VPS26C: variants seen among roughly 807,000 people sequenced by gnomAD.
The protein encoded by VPS26C is vacuolar protein sorting-associated protein 26C.
VPS26C carries 19 observed loss-of-function variants against 30.6 expected under a neutral mutation model. That is an observed-to-expected ratio of 0.62 (90% CI 0.43 to 0.91). VPS26C has a LOEUF of 0.91. Ranked by LOEUF, VPS26C falls within the 40% of genes least tolerant of loss-of-function variation. VPS26C has a pLI of 0.00. For synonymous variants in VPS26C, 132 were observed against 151.5 expected (o/e 0.87, Z 0.95); for missense variants, 318 against 385.1 (o/e 0.83, Z 1.46).
chr21:37,244,773 A>G (rs2086120235), intron 1 of VPS26C, among the ~76,000 whole-genome samples: 1 of 152,330 alleles, frequency 6.6e-6, no homozygotes, highest in African/African-American at 2.4e-5. Flanking sequence ...AAGAGCTGTT[A>G]AAAGAAGTGA....
At position 37,233,084 on chromosome 21, in the gene VPS26C, C is replaced by G. The variant is rs2085982534; in HGVS notation, c.432+278G>C. The stretch of plus-strand genomic sequence containing the variant: ...AGGGGCTGGGATGCAAAGGGCCAGT[C>G]TACCATCCAGAGAGCCAGGGGGAGG... On this transcript the variant is annotated intron_variant, in intron 4 of 7. Coordinates refer to ENST00000309117, the MANE Select transcript of VPS26C (RefSeq NM_006052.2). This position sits in a 1 kb window ranked among gnomAD's most constrained non-coding sequence, Gnocchi z 5.2. 6.6e-6 allele frequency among the ~76,000 whole-genome samples: 1 copy of G among 152,200 alleles called. No individual in the cohort carries two copies. Among genetic ancestry groups the G allele is most frequent in the African/African-American group, 2.4e-5 (1 of 41,436 alleles).
rs1220011251 is a variant in VPS26C, at chr21:37,224,601, A to G, written c.*943T>C. On this transcript the variant is annotated 3_prime_UTR_variant, in exon 8 of 8. Transcript: ENST00000309117. ...TGGCAGTTCTTGAGACTTCAGAAAC[A>G]CTTCGGCACCAGCCAAATCCCCCCA... The G allele has an allele frequency of 6.6e-6, 1 of 152,232 alleles. No homozygotes were observed. Among genetic ancestry groups the G allele is most frequent in the Non-Finnish European group, 1.5e-5 (1 of 68,042 alleles). The allele number at this position is 152,232 out of a possible 1,614,324, so 9.4% of individuals were successfully genotyped here.
intron 2 of VPS26C, 79 bp from the exon 3 acceptor site, chr21:37,238,688 C>T: frequency 6.5e-7 from 1 of 1,543,232 alleles, no homozygotes; most frequent in Admixed American, 1.8e-5. Flanking sequence ...TTCTGAAGGA[C>T]ACAGCACCCC....
intron 1 of VPS26C, among the ~76,000 whole-genome samples, chr21:37,250,921 T>A (rs1225765078): frequency 4.4e-4 from 45 of 101,238 alleles, no homozygotes; most frequent in South Asian, 9.8e-4. Flanking sequence ...AAAAAAGACA[T>A]CGATGAAAAA....
chr21:37,264,400 C>T (rs947641351), intron 1 of VPS26C, among the ~76,000 whole-genome samples: 1 of 152,170 alleles, frequency 6.6e-6, no homozygotes, highest in African/African-American at 2.4e-5. Flanking sequence ...GGAAGTGGTC[C>T]TGGCTGTGTA....
chr21:37,266,712 GAA>G (rs1445482829), intron 1 of VPS26C: 2 of 154,206 alleles, frequency 1.3e-5, no homozygotes, highest in Non-Finnish European at 2.9e-5. Context: ...AATAAAACCA[GAA>G]AAAGCAGTAA....
intron 1 of VPS26C, among the ~76,000 whole-genome samples, chr21:37,251,083 A>T (rs1473258976): frequency 6.6e-6 from 1 of 152,176 alleles, no homozygotes; most frequent in African/African-American, 2.4e-5. Context: ...AGATAAAAAA[A>T]TGTCATTACA....
rs1021525418 is a variant in VPS26C at position 37,254,219 on chromosome 21, T to C, written c.57+13019A>G. Among the ~76,000 whole-genome samples, 4 of 152,186 alleles carry C rather than the reference T, an allele frequency of 2.6e-5. No individual in the cohort carries two copies. In the South Asian group the frequency reaches 6.2e-4, roughly 24 times the overall value. On this transcript the variant is annotated intron_variant, in intron 1 of 7. Transcript: ENST00000309117. ...TGAAATCCCAGAGTGAAATCATGTA[T>C]GAATCACGATAGTGCAGCATTCAAA... is the stretch of plus-strand genomic sequence containing the variant.
At chr21:37,242,260 T>G (rs530145317) in intron 1 of VPS26C, among the ~76,000 whole-genome samples, 1 of 152,364 alleles carries the variant, frequency 6.6e-6, no homozygotes, top group Non-Finnish European at 1.5e-5. Flanking sequence ...TAACATTAAT[T>G]CTATTAATTT....
rs1433519577 is a variant in VPS26C at position 37,225,731 on chromosome 21, C to G, written c.812-105G>C. On this transcript the variant is annotated intron_variant, in intron 7 of 7. Transcript: ENST00000309117. The stretch of plus-strand genomic sequence containing the variant: ...GGAAGCTCTAACGGCGAAGGAGCAC[C>G]CGGTGCGGGTGGGTTTCATTGCTGT... The G allele has an allele frequency of 3.0e-5, 29 of 958,082 alleles. No individual in the cohort carries two copies. In the East Asian group the frequency reaches 7.5e-4, roughly 25 times the overall value. 59.3% of individuals were successfully genotyped at this position (958,082 alleles called of 1,614,324 possible).
chr21:37,231,123 A>G (rs1038960044), intron 5 of VPS26C, among the ~76,000 whole-genome samples: 2 of 152,230 alleles, frequency 1.3e-5, no homozygotes, highest in Non-Finnish European at 2.9e-5. Context: ...CAGCCTCTAC[A>G]ACACCACCAC....
chr21:37,259,288 C>CTT (rs75704567), intron 1 of VPS26C, among the ~76,000 whole-genome samples: 2 of 150,514 alleles, frequency 1.3e-5, no homozygotes, highest in African/African-American at 4.9e-5. Context: ...AGGGTTTCTC[C>CTT]TTTTTTTTTC....
At chr21:37,248,996 T>C (rs780835929) in intron 1 of VPS26C, among the ~76,000 whole-genome samples, 6 of 152,134 alleles carry the variant, frequency 3.9e-5, no homozygotes, top group Non-Finnish European at 7.4e-5. Flanking sequence ...AGAAAAATTA[T>C]ATATAGTCAT....
rs752826083 is a variant in VPS26C at position 37,225,609 on chromosome 21, C to T, written c.829G>A (p.Val277Met). The change falls in exon 8 of 8, where the codon GTG becomes ATG. Residue 277 changes from valine (V) to methionine (M), a missense_variant. Coordinates refer to ENST00000309117, the MANE Select transcript of VPS26C (RefSeq NM_006052.2). Reference protein sequence around the residue: ...NFKVEFEVNIVVLLHPDHLIT... With the variant: ...NFKVEFEVNIMVLLHPDHLIT... ...AGGTGGTCAGGGTGAAGCAGCACCA[C>T]GATGTTAACCTCAAATTCTGAGAAG... The T allele has an allele frequency of 1.7e-5, 27 of 1,613,840 alleles. No homozygotes were observed. The highest frequency in any genetic ancestry group is 2.2e-5 in the South Asian group (2 of 91,076).
At chr21:37,253,355 G>A (rs114256920) in intron 1 of VPS26C, among the ~76,000 whole-genome samples, 38 of 152,270 alleles carry the variant, frequency 2.5e-4, no homozygotes, top group African/African-American at 9.1e-4. Flanking sequence ...ATCACATTCT[G>A]GGGCAGAACC....
intron 1 of VPS26C, among the ~76,000 whole-genome samples, chr21:37,253,000 G>C (rs1333202732): frequency 6.6e-6 from 1 of 152,134 alleles, no homozygotes. Flanking sequence ...ATACTGAAAA[G>C]AGTCATCTAC....
In VPS26C at chr21:37,267,227, C is replaced by A. The variant is rs2086376633; in HGVS notation, c.57+11G>T. 3 of 1,572,394 alleles carry A rather than the reference C, an allele frequency of 1.9e-6. No homozygotes were observed. Among genetic ancestry groups the A allele is most frequent in the Admixed American group, 1.7e-5 (1 of 59,532 alleles). ...ACCCCACCTCCATCCCCACCCCCAG[C>A]CCCCACTTACCCCGGCGTGATAAAC... is the stretch of plus-strand genomic sequence containing the variant. On this transcript the variant is annotated intron_variant, in intron 1 of 7. Transcript: ENST00000309117.
At chr21:37,246,869 TGCCTCA>T (rs2086142848) in intron 1 of VPS26C, among the ~76,000 whole-genome samples, 1 of 152,234 alleles carries the variant, frequency 6.6e-6, no homozygotes, top group Admixed American at 6.5e-5. Context: ...GTGATCCTCC[TGCCTCA>T]GCCTCCTGAG....
chr21:37,256,782 A>G (rs1465510879), intron 1 of VPS26C, among the ~76,000 whole-genome samples: 1 of 152,224 alleles, frequency 6.6e-6, no homozygotes, highest in Non-Finnish European at 1.5e-5. Context: ...TACAAAAATT[A>G]CATCTTTACA....
Sources: allele counts gnomAD v4.1 joint callset (sites outside exome capture counted in the v4.1 genomes callset), GRCh38; gene constraint gnomAD v4.1.1; non-coding constraint Gnocchi (gnomAD v3.1); transcripts MANE v1.5; gene names NCBI Gene and HGNC (gene_info 2026-07-23, HGNC 2026-07-21).